ZNF721: variants seen among roughly 807,000 people sequenced by gnomAD.
ZNF721 encodes zinc finger protein 721.
A neutral mutation model predicts 2.4 loss-of-function variants in ZNF721; 2 were observed. The ratio of observed to expected loss-of-function variants is 0.82; its 90% CI spans 0.34 to 2.58. The LOEUF (loss-of-function observed/expected upper bound fraction) is 2.58. Ranked by LOEUF, ZNF721 falls within the 30% of genes most tolerant of loss-of-function variation. ZNF721 has a pLI of 0.11. For synonymous variants in ZNF721, 398 were observed against 381.8 expected (o/e 1.04, Z -0.50); for missense variants, 1,187 against 1,085.5 (o/e 1.09, Z -1.31).
chr4:495,945 T>C (rs1716141125), intron 1 of ZNF721, among the ~76,000 whole-genome samples: 1 of 152,178 alleles, frequency 6.6e-6, no homozygotes, highest in Non-Finnish European at 1.5e-5. Flanking sequence ...TAAAAAAATC[T>C]TTTTAAATCT....
rs187770417 is a variant in ZNF721 at position 457,922 on chromosome 4, C to T, written c.35-13490G>A. 3.9e-5 allele frequency among the ~76,000 whole-genome samples: 6 copies of T among 152,266 alleles called. No homozygotes were observed. The East Asian group carries it at 1.2e-3, about 29-fold the overall frequency. ...AGAGTCTGAAAGAAGTCCTGCCAAC[C>T]CAGAAATCTGGAGGGAGAAATGCCA... On this transcript the variant is annotated intron_variant, in intron 2 of 2. Transcript: ENST00000511833.
At chr4:456,429 T>C (rs782228757) in intron 2 of ZNF721, among the ~76,000 whole-genome samples, 4 of 152,198 alleles carry the variant, frequency 2.6e-5, no homozygotes, top group Admixed American at 1.3e-4. Flanking sequence ...AAACATCACA[T>C]AGATAACTTT....
chr4:496,373 T>C (rs1716153131), intron 1 of ZNF721, among the ~76,000 whole-genome samples: 1 of 145,202 alleles, frequency 6.9e-6, no homozygotes, highest in Non-Finnish European at 1.6e-5. Context: ...AGGGGTCACC[T>C]CCTTATATGC....
rs1553863854 is a variant in ZNF721 at position 444,119 on chromosome 4, C to T, written c.348G>A (p.Lys116=). ...EKHFKCNECG[K]SFQKFSDLTQ... ...TTAGGTCTGAGAACTTCTGAAATGACTTGCCACATTCGTTACATTTAAAGT... is the reference window on the plus strand; with the variant it reads ...TTAGGTCTGAGAACTTCTGAAATGATTTGCCACATTCGTTACATTTAAAGT... Residue 116 remains lysine (K), a synonymous_variant, in exon 3 of 3, where the codon AAG becomes AAA. Transcript: ENST00000511833. 2 of 1,614,088 alleles carry T rather than the reference C, an allele frequency of 1.2e-6. No homozygotes were observed. Among genetic ancestry groups the T allele is most frequent in the Middle Eastern group, 3.3e-4 (2 of 6,062 alleles).
At chr4:478,070 C>T (rs1715678701) in intron 1 of ZNF721, among the ~76,000 whole-genome samples, 1 of 152,174 alleles carries the variant, frequency 6.6e-6, no homozygotes, top group South Asian at 2.1e-4. Flanking sequence ...ATAAAAACTG[C>T]AACACGGAAC....
intron 2 of ZNF721, chr4:454,175 G>A (rs1399395257): frequency 2.6e-5 from 4 of 152,246 alleles, no homozygotes; most frequent in South Asian, 2.1e-4. Flanking sequence ...CTCTGGATAT[G>A]TGGATACTAC....
chr4:498,937 G>C (rs1017530009), intron 1 of ZNF721, 119 bp downstream of exon 1: 2 of 208,206 alleles, frequency 9.6e-6, no homozygotes, highest in Admixed American at 1.2e-4. Context: ...TGTTGGCCAG[G>C]ATAGTCTCGA....
At chr4:472,857 A>G (rs781887086) in intron 1 of ZNF721, among the ~76,000 whole-genome samples, 156 bp from the exon 2 acceptor site, 9 of 152,078 alleles carry the variant, frequency 5.9e-5, no homozygotes, top group Non-Finnish European at 8.8e-5. Flanking sequence ...AGCTCTGCGG[A>G]AAAAGGAAGG....
intron 1 of ZNF721, among the ~76,000 whole-genome samples, chr4:494,132 T>C (rs1486756342): frequency 1.3e-5 from 2 of 152,122 alleles, no homozygotes; most frequent in East Asian, 3.8e-4. Flanking sequence ...AAACACTATA[T>C]AGACAATACA....
chr4:497,939 C>T (rs1330985849), intron 1 of ZNF721, among the ~76,000 whole-genome samples: 1 of 147,560 alleles, frequency 6.8e-6, no homozygotes, highest in Non-Finnish European at 1.5e-5. Context: ...GGCGCGGTGG[C>T]TCATGCCTGT....
In ZNF721 at chr4:448,434, T is replaced by TCC. The variant is rs1553864439; in HGVS notation, c.35-4004_35-4003dup. Among the ~76,000 whole-genome samples the TCC allele has an allele frequency of 4.5e-3, 464 of 103,124 alleles. 2 individuals are homozygous for TCC. Among genetic ancestry groups the TCC allele is most frequent in the African/African-American group, 0.016 (452 of 28,940 alleles). The allele number at this position is 103,124 out of a possible 152,430, so 67.7% of individuals were successfully genotyped here. ...CTGGGTGACAGAGCAGGAATCCGTA[T>TCC]CCCCCCCCAAAAAAAAAAAAAAATT... On this transcript the variant is annotated intron_variant, in intron 2 of 2. Coordinates refer to ENST00000511833, the MANE Select transcript of ZNF721 (RefSeq NM_133474.4).
intron 2 of ZNF721, among the ~76,000 whole-genome samples, chr4:470,017 G>A (rs111554723): frequency 6.6e-6 from 1 of 152,120 alleles, no homozygotes; most frequent in Non-Finnish European, 1.5e-5. Context: ...CGAGTAGCTA[G>A]GACTACAGGC....
At chr4:462,966 A>C (rs1363490090) in intron 2 of ZNF721, among the ~76,000 whole-genome samples, 1 of 152,238 alleles carries the variant, frequency 6.6e-6, no homozygotes, top group Non-Finnish European at 1.5e-5. Context: ...GTGAACAGGC[A>C]ACCTACAGAA....
chr4:486,208 G>A (rs1715893615), intron 1 of ZNF721, among the ~76,000 whole-genome samples: 1 of 146,580 alleles, frequency 6.8e-6, no homozygotes, highest in African/African-American at 2.5e-5. Flanking sequence ...CGCCCAGGCT[G>A]CATGCAGTGG....
chr4:459,683 T>C lies in ZNF721; in HGVS notation c.34+12892A>G, dbSNP rs191847836. On this transcript the variant is annotated intron_variant, in intron 2 of 2. Coordinates refer to ENST00000511833, the MANE Select transcript of ZNF721 (RefSeq NM_133474.4). ...CGTCTCTACTAAAAATACAAAAAAT[T>C]AGCCGGGCGTGGTGGCGGGCGCCTG... Among the ~76,000 whole-genome samples, 161 of 151,982 alleles carry C rather than the reference T, an allele frequency of 1.1e-3. 6 individuals carry two copies. In the East Asian group the frequency reaches 0.027, roughly 26 times the overall value.
At chr4:472,979 C>T (rs1183341956) in intron 1 of ZNF721, among the ~76,000 whole-genome samples, 1 of 152,064 alleles carries the variant, frequency 6.6e-6, no homozygotes, top group Non-Finnish European at 1.5e-5. Context: ...GTTGAACTCA[C>T]CTCTCATGAA....
At chr4:470,422 T>C (rs1278262677) in intron 2 of ZNF721, among the ~76,000 whole-genome samples, 1 of 152,144 alleles carries the variant, frequency 6.6e-6, no homozygotes, top group Non-Finnish European at 1.5e-5. Context: ...CTAAAAACTC[T>C]ACAGGATAGA....
chr4:497,493 T>A (rs1553872487), intron 1 of ZNF721, among the ~76,000 whole-genome samples: 1 of 152,118 alleles, frequency 6.6e-6, no homozygotes, highest in African/African-American at 2.4e-5. Flanking sequence ...AGGACGCCCA[T>A]GACACAGCCT....
At chr4:451,705 G>C (rs782703491) in intron 2 of ZNF721, among the ~76,000 whole-genome samples, 1 of 152,222 alleles carries the variant, frequency 6.6e-6, no homozygotes, top group Non-Finnish European at 1.5e-5. Flanking sequence ...GGTATTGTGT[G>C]TGTGTCTTCT....
Sources: gnomAD v4.1 joint callset for allele counts (sites outside exome capture counted in the v4.1 genomes callset) on GRCh38, gnomAD v4.1.1 for gene constraint, MANE v1.5 for transcripts, NCBI Gene and HGNC (gene_info 2026-07-23, HGNC 2026-07-21) for gene names.